SNX5: variants seen among roughly 807,000 people sequenced by gnomAD.
SNX5 encodes sorting nexin 5.
In SNX5, 31 loss-of-function variants were observed where a neutral mutation model predicts 53.9. The observed-to-expected ratio is 0.58, with a 90% CI of 0.43 to 0.78. The LOEUF (loss-of-function observed/expected upper bound fraction) is 0.78. Ranked by LOEUF, SNX5 falls within the 30% of genes least tolerant of loss-of-function variation. SNX5 has a pLI of 0.00. For synonymous variants in SNX5, 168 were observed against 171.1 expected (o/e 0.98, Z 0.14); for missense variants, 471 against 478.8 (o/e 0.98, Z 0.15).
intron 4 of SNX5, 60 bp downstream of exon 4, chr20:17,953,936 G>A: frequency 7.1e-7 from 1 of 1,409,568 alleles, no homozygotes; most frequent in South Asian, 1.2e-5. Flanking sequence ...ACTTATTTTT[G>A]TACACAGCAC....
At chr20:17,948,517 T>C (rs1207856195) in intron 10 of SNX5, among the ~76,000 whole-genome samples, 1 of 152,268 alleles carries the variant, frequency 6.6e-6, no homozygotes, top group African/African-American at 2.4e-5. Context: ...AGACAAAGCA[T>C]GTTTCATTCC....
intron 1 of SNX5, 50 bp downstream of exon 1, chr20:17,968,325 G>A (rs571895022): frequency 4.8e-6 from 6 of 1,237,862 alleles, no homozygotes; most frequent in Admixed American, 4.2e-5. Context: ...CAGCGACCCC[G>A]GAGCTCGCAG....
intron 1 of SNX5, chr20:17,962,773 A>G (rs552281663): frequency 1.9e-6 from 1 of 519,242 alleles, no homozygotes; most frequent in African/African-American, 1.9e-5. Flanking sequence ...CCCTGCTGAC[A>G]CCAACCATTC....
At chr20:17,942,460 AC>A (rs2039431138) in intron 12 of SNX5, 53 bp from the exon 13 acceptor site, 19 of 1,316,402 alleles carry the variant, frequency 1.4e-5, no homozygotes, top group Middle Eastern at 1.8e-4. Flanking sequence ...CTTGCCATAT[AC>A]CTGGAATGAC....
At chr20:17,965,582 G>T (rs1403056115) in intron 1 of SNX5, among the ~76,000 whole-genome samples, 5 of 148,796 alleles carry the variant, frequency 3.4e-5, no homozygotes, top group African/African-American at 1.2e-4. Context: ...AGGTGGGGGT[G>T]ATCACCTGAG....
At position 17,968,500 on chromosome 20, in the gene SNX5, T is replaced by A; in HGVS notation, c.-75A>T. On this transcript the variant is annotated 5_prime_UTR_variant, in exon 1 of 13. Transcript: ENST00000377759. ...AAGCTGGGCCGCCGCCGCCGCCGCC[T>A]GGGCGCCTCTCGGGGGCGGCCACGG... 3 of 1,179,578 alleles carry A rather than the reference T, an allele frequency of 2.5e-6. No homozygotes were observed. Among genetic ancestry groups the A allele is most frequent in the Non-Finnish European group, 3.2e-6 (3 of 938,682 alleles). The allele number at this position is 1,179,578 out of a possible 1,614,324, so 73.1% of individuals were successfully genotyped here.
At chr20:17,955,562 G>C in intron 2 of SNX5, 87 bp from the exon 3 acceptor site, 2 of 811,138 alleles carry the variant, frequency 2.5e-6, no homozygotes, top group Middle Eastern at 4.5e-4. Context: ...GGAAAATTCT[G>C]CATAATACAT....
chr20:17,942,004 A>C lies in SNX5; in HGVS notation c.*353T>G, dbSNP rs1357593625. On this transcript the variant is annotated 3_prime_UTR_variant, in exon 13 of 13. Coordinates refer to ENST00000377759, the MANE Select transcript of SNX5 (RefSeq NM_014426.4). Reference sequence around the variant, plus strand: ...CTGCTGTAACTGGCACCTCCCTGACAATCATGGGTTTGTAGGGACATGGGC... The same window carrying C: ...CTGCTGTAACTGGCACCTCCCTGACCATCATGGGTTTGTAGGGACATGGGC... The C allele has an allele frequency of 5.5e-6, 1 of 183,450 alleles. No homozygotes were observed. Among genetic ancestry groups the C allele is most frequent in the Non-Finnish European group, 1.1e-5 (1 of 87,590 alleles). 11.4% of individuals were successfully genotyped at this position (183,450 alleles called of 1,614,324 possible).
intron 12 of SNX5, 77 bp downstream of exon 12, chr20:17,943,033 A>T: frequency 1.0e-6 from 1 of 1,001,298 alleles, no homozygotes; most frequent in Admixed American, 1.8e-5. Context: ...CTGCCTGATG[A>T]CAATGGGTTA....
Position 17,956,933 on chromosome 20 carries a change from C to G in SNX5, c.156G>C (p.Lys52Asn). 6.6e-7 allele frequency: 1 copy of G among 1,515,146 alleles called. No individual in the cohort carries two copies. The highest frequency in any genetic ancestry group is 9.2e-7 in the Non-Finnish European group (1 of 1,090,654). The allele number at this position is 1,515,146 out of a possible 1,614,324, so 93.9% of individuals were successfully genotyped here. ...TGTATTACCACTGCATGTTACTTAC[C>G]TTTGTGTGCACTGTAAATTTGACTT... ...RDKVKFTVHT[K>N]TTLPTFQSPE... Residue 52 changes from lysine to asparagine, a missense_variant and splice_region_variant, in exon 2 of 13, where the codon AAG (lysine) becomes AAC (asparagine). Physicochemically the swap from Lys to Asn is moderately conservative, Grantham distance 94. Coordinates refer to ENST00000377759, the MANE Select transcript of SNX5 (RefSeq NM_014426.4).
intron 1 of SNX5, 80 bp downstream of exon 1, chr20:17,968,295 G>C (rs2035600092): frequency 8.6e-7 from 1 of 1,164,766 alleles, no homozygotes; most frequent in Non-Finnish European, 1.1e-6. Context: ...ACGGCCTATG[G>C]ACGCGCAAGG....
intron 1 of SNX5, among the ~76,000 whole-genome samples, chr20:17,963,692 T>C (rs1376820092): frequency 2.6e-5 from 4 of 152,154 alleles, no homozygotes; most frequent in Non-Finnish European, 5.9e-5. Flanking sequence ...TGGATGAGGG[T>C]GTTGAAGGAC....
rs1398560975 is a variant in SNX5, at chr20:17,950,382, G to A, written c.624C>T (p.Phe208=). 1.6e-5 allele frequency: 26 copies of A among 1,604,100 alleles called. No individual in the cohort carries two copies. The highest frequency in any genetic ancestry group is 2.0e-5 in the Non-Finnish European group (23 of 1,171,298). Residue 208 remains phenylalanine (F), a synonymous_variant, in exon 7 of 13, where the codon TTC becomes TTT. Coordinates refer to ENST00000377759, the MANE Select transcript of SNX5 (RefSeq NM_014426.4). The part of the protein sequence containing the change: ...LFTGVKEVDD[F]FEQEKNFLIN... ...TAAGGAAGTTCTTCTCTTGCTCAAA[G>A]AAGTCATCTACCTCCTAGAAGGAAG... is the stretch of plus-strand genomic sequence containing the variant.
At chr20:17,948,216 C>T (rs549705474) in intron 10 of SNX5, among the ~76,000 whole-genome samples, 4 of 152,212 alleles carry the variant, frequency 2.6e-5, no homozygotes, top group Non-Finnish European at 5.9e-5. Flanking sequence ...GGTGAAACTA[C>T]TAGGCCTATT....
intron 1 of SNX5, among the ~76,000 whole-genome samples, chr20:17,958,002 CAAA>C (rs59621613): frequency 2.0e-4 from 22 of 107,810 alleles, no homozygotes; most frequent in Admixed American, 5.9e-4. Flanking sequence ...TTCTGCCCGT[CAAA>C]AAAAAAAAAA....
In SNX5 at chr20:17,949,068, A is replaced by G; in HGVS notation, c.827T>C (p.Leu276Pro). The change falls in exon 9 of 13, where the codon CTA becomes CCA. Residue 276 changes from leucine (L) to proline (P), a missense_variant. Transcript: ENST00000377759. Reference sequence around the variant, plus strand: ...GACCAACACAGAAATCCTTACCCTTAGTTTTTCAAATAGCTCAGCAACCTT... The same window carrying G: ...GACCAACACAGAAATCCTTACCCTTGGTTTTTCAAATAGCTCAGCAACCTT... The part of the protein sequence containing the change: ...LLKVAELFEK[L>P]RKVEGRVSSD... The G allele has an allele frequency of 6.2e-7, 1 of 1,613,248 alleles. No homozygotes were observed. The highest frequency in any genetic ancestry group is 8.5e-7 in the Non-Finnish European group (1 of 1,179,676).
chr20:17,954,032 T>A lies in SNX5; in HGVS notation c.353A>T (p.Lys118Ile). The A allele has an allele frequency of 6.2e-7, 1 of 1,613,900 alleles. No homozygotes were observed. The highest frequency in any genetic ancestry group is 8.5e-7 in the Non-Finnish European group (1 of 1,179,876). The change falls in exon 4 of 13, where the codon AAA (lysine) becomes ATA (isoleucine). Residue 118 changes from lysine to isoleucine, a missense_variant. Lys to Ile is a moderately radical substitution (Grantham distance 102, BLOSUM62 -3). Transcript: ENST00000377759. ...KLGEGEGSMTKEEFAKMKQEL... is the reference protein window; with the variant it reads ...KLGEGEGSMTIEEFAKMKQEL... The stretch of plus-strand genomic sequence containing the variant: ...TTGTTTCATCTTGGCAAATTCTTCT[T>A]TGGTCATAGACCCTTCACCTTCTCC...
Position 17,954,061 on chromosome 20 carries a change from T to C in SNX5, c.324A>G (p.Lys108=). The part of the protein sequence containing the change: ...DFDGPREKMQ[K]LGEGEGSMTK... Reference sequence around the variant, plus strand: ...TCATAGACCCTTCACCTTCTCCCAGTTTCTGCATCTTCTCTCGAGGACCAT... The same window carrying C: ...TCATAGACCCTTCACCTTCTCCCAGCTTCTGCATCTTCTCTCGAGGACCAT... The change falls in exon 4 of 13, where the codon AAA becomes AAG. Residue 108 remains lysine (K), a synonymous_variant. Transcript: ENST00000377759. 2 of 1,614,022 alleles carry C rather than the reference T, an allele frequency of 1.2e-6. No homozygotes were observed. The highest frequency in any genetic ancestry group is 1.7e-6 in the Non-Finnish European group (2 of 1,179,890).
chr20:17,967,849 C>T lies in SNX5; in HGVS notation c.51+526G>A, dbSNP rs1041186212. On this transcript the variant is annotated intron_variant, in intron 1 of 12. Coordinates refer to ENST00000377759, the MANE Select transcript of SNX5 (RefSeq NM_014426.4). Reference sequence around the variant, plus strand: ...TGAGCACCTACTAAAAATTACACAACTCCCACAACAACGCATTTTGCGTTT... The same window carrying T: ...TGAGCACCTACTAAAAATTACACAATTCCCACAACAACGCATTTTGCGTTT... 2.0e-5 allele frequency: 8 copies of T among 391,686 alleles called. No homozygotes were observed. The East Asian group carries it at 2.5e-4, about 12-fold the overall frequency. 24.3% of individuals were successfully genotyped at this position (391,686 alleles called of 1,614,324 possible). A position where few individuals can be genotyped will look rare whatever the true frequency, so the allele number is the denominator to read the frequency against.
Sources: gnomAD v4.1 joint callset for allele counts (sites outside exome capture counted in the v4.1 genomes callset) on GRCh38, gnomAD v4.1.1 for gene constraint, MANE v1.5 for transcripts, NCBI Gene and HGNC (gene_info 2026-07-23, HGNC 2026-07-21) for gene names.